Variants in LRPPRC observed in about 807,000 individuals in gnomAD.
LRPPRC encodes leucine-rich PPR motif-containing protein, mitochondrial.
In LRPPRC, 120 loss-of-function variants were observed where a neutral mutation model predicts 180.3. The observed-to-expected ratio is 0.67, with a 90% CI of 0.57 to 0.77. The LOEUF is 0.77. Ranked by LOEUF, LRPPRC falls within the 30% of genes least tolerant of loss-of-function variation. The pLI is 0.00. For missense variants in LRPPRC, 2,012 were observed against 1,657.2 expected (o/e 1.21, Z -3.72); for synonymous variants, 723 against 600.0 (o/e 1.21, Z -3.00).
intron 14 of LRPPRC, among the ~76,000 whole-genome samples, chr2:43,955,029 C>T (rs919664145): frequency 2.0e-5 from 3 of 152,156 alleles, no homozygotes; most frequent in African/African-American, 7.2e-5. Context: ...TTAATTTTGG[C>T]TTCCACGATA....
chr2:43,995,285 G>C (rs1383228654), intron 1 of LRPPRC, among the ~76,000 whole-genome samples: 1 of 152,194 alleles, frequency 6.6e-6, no homozygotes, highest in African/African-American at 2.4e-5. Context: ...AAAGCCCAAA[G>C]TGATCATAAT....
chr2:43,918,819 ATATC>A (rs1419967694), intron 27 of LRPPRC, among the ~76,000 whole-genome samples: 7 of 145,384 alleles, frequency 4.8e-5, no homozygotes, highest in Non-Finnish European at 9.0e-5. Context: ...AGATATATAT[ATATC>A]TATATATAGA....
chr2:43,905,038 G>C (rs1671022542), intron 31 of LRPPRC, among the ~76,000 whole-genome samples: 1 of 151,994 alleles, frequency 6.6e-6, no homozygotes, highest in African/African-American at 2.4e-5. Context: ...TCAAACCAGT[G>C]GCCCCCACCC....
In LRPPRC at chr2:43,888,415, A is replaced by G. The variant is rs1670348071; in HGVS notation, c.*185T>C. The G allele has an allele frequency of 1.9e-6, 1 of 532,548 alleles. No individual in the cohort carries two copies. The highest frequency in any genetic ancestry group is 3.4e-6 in the Non-Finnish European group (1 of 295,796). 33.0% of individuals were successfully genotyped at this position (532,548 alleles called of 1,614,324 possible). On this transcript the variant is annotated 3_prime_UTR_variant, in exon 38 of 38. Coordinates refer to ENST00000260665, the MANE Select transcript of LRPPRC (RefSeq NM_133259.4). ...AACACTATCGATTTTTCCCAGAGAAAAAAACTCCAAAAATGTCCAATAACC... is the reference window on the plus strand; with the variant it reads ...AACACTATCGATTTTTCCCAGAGAAGAAAACTCCAAAAATGTCCAATAACC...
intron 1 of LRPPRC, among the ~76,000 whole-genome samples, chr2:43,983,781 T>C (rs1406601494): frequency 6.6e-6 from 1 of 152,182 alleles, no homozygotes; most frequent in African/African-American, 2.4e-5. Context: ...TGATCAAGTA[T>C]GTGTTGTTTT....
intron 22 of LRPPRC, among the ~76,000 whole-genome samples, chr2:43,944,538 G>A (rs563455807): frequency 1.3e-5 from 2 of 152,096 alleles, no homozygotes; most frequent in Admixed American, 6.6e-5. Context: ...TAAAAAAATA[G>A]GCTAATCCTT....
intron 14 of LRPPRC, among the ~76,000 whole-genome samples, 164 bp from the exon 15 acceptor site, chr2:43,950,764 C>G (rs1672868906): frequency 6.8e-6 from 1 of 146,738 alleles, no homozygotes; most frequent in Non-Finnish European, 1.6e-5. Flanking sequence ...GGCTGACACT[C>G]ACCCACCTCA....
chr2:43,907,834 G>T (rs1471059439), intron 30 of LRPPRC, among the ~76,000 whole-genome samples: 1 of 152,136 alleles, frequency 6.6e-6, no homozygotes, highest in South Asian at 2.1e-4. Flanking sequence ...ACATTTCAGA[G>T]AATTTATTGC....
intron 32 of LRPPRC, among the ~76,000 whole-genome samples, chr2:43,900,642 A>C (rs367827752): frequency 5.6e-4 from 86 of 152,292 alleles, no homozygotes; most frequent in African/African-American, 1.2e-3. Context: ...AACAAACAAA[A>C]AAAAACCCCT....
At chr2:43,957,513 T>C in intron 13 of LRPPRC, 62 bp from the exon 14 acceptor site, 1 of 1,212,280 alleles carries the variant, frequency 8.2e-7, no homozygotes, top group Non-Finnish European at 1.2e-6. Context: ...CCCTGTATTA[T>C]CAAATTGAAA....
At chr2:43,923,528 G>GT (rs1671770589) in intron 27 of LRPPRC, among the ~76,000 whole-genome samples, 2 of 152,124 alleles carry the variant, frequency 1.3e-5, no homozygotes, top group African/African-American at 4.8e-5. Flanking sequence ...AATAGGAAGA[G>GT]TAAGTTTGTG....
chr2:43,945,280 T>C (rs1672636583), intron 22 of LRPPRC, 52 bp downstream of exon 22: 3 of 1,160,650 alleles, frequency 2.6e-6, no homozygotes, highest in Non-Finnish European at 3.9e-6. Flanking sequence ...CACATGTTAT[T>C]CCAGTGGCAA....
chr2:43,991,023 G>A (rs1236238050), intron 1 of LRPPRC, among the ~76,000 whole-genome samples: 3 of 147,122 alleles, frequency 2.0e-5, no homozygotes, highest in African/African-American at 7.4e-5. Context: ...CTTATGTATA[G>A]ATACTTTTAT....
In LRPPRC at chr2:43,935,587, T is replaced by C. The variant is rs1572940211; in HGVS notation, c.2505-709A>G. On this transcript the variant is annotated intron_variant, in intron 23 of 37. Coordinates refer to ENST00000260665, the MANE Select transcript of LRPPRC (RefSeq NM_133259.4). ...CCTTCTTTTATGTGAGAAATTAAAATAAAAAGACACTGTCATTAAATCAGT... is the reference window on the plus strand; with the variant it reads ...CCTTCTTTTATGTGAGAAATTAAAACAAAAAGACACTGTCATTAAATCAGT... 2.0e-5 allele frequency among the ~76,000 whole-genome samples: 3 copies of C among 152,156 alleles called. No individual in the cohort carries two copies. In the South Asian group the frequency reaches 6.2e-4, roughly 32 times the overall value.
rs562958704 is a variant in LRPPRC, at chr2:43,926,061, A to G, written c.2737-100T>C. ...TTCTTTTCTTATGAATTTGCTGCCA[A>G]ATATATATACTAAACTTATATACTA... is the stretch of plus-strand genomic sequence containing the variant. On this transcript the variant is annotated intron_variant, in intron 25 of 37. Transcript: ENST00000260665. 4.1e-6 allele frequency: 3 copies of G among 724,372 alleles called. No individual in the cohort carries two copies. The South Asian group carries it at 4.4e-5, about 11-fold the overall frequency. The allele number at this position is 724,372 out of a possible 1,614,324, so 44.9% of individuals were successfully genotyped here.
Position 43,889,725 on chromosome 2 carries a change from A to T in LRPPRC, c.4128+9T>A. 6.2e-7 allele frequency: 1 copy of T among 1,607,636 alleles called. No individual in the cohort carries two copies. The highest frequency in any genetic ancestry group is 8.5e-7 in the Non-Finnish European group (1 of 1,174,088). On this transcript the variant is annotated intron_variant, in intron 37 of 37. Coordinates refer to ENST00000260665, the MANE Select transcript of LRPPRC (RefSeq NM_133259.4). Reference sequence around the variant, plus strand: ...AGGTATTTTTTCCCCTTAATTAAGAAATACTCACAGGGGGTTCAATGAAAG... The same window carrying T: ...AGGTATTTTTTCCCCTTAATTAAGATATACTCACAGGGGGTTCAATGAAAG...
At position 43,963,662 on chromosome 2, in the gene LRPPRC, G is replaced by A. The variant is rs1267671992; in HGVS notation, c.1414C>T (p.Pro472Ser). The A allele has an allele frequency of 6.2e-7, 1 of 1,610,842 alleles. No homozygotes were observed. The highest frequency in any genetic ancestry group is 1.3e-5 in the African/African-American group (1 of 74,956). The change falls in exon 12 of 38, where the codon CCT (proline) becomes TCT (serine). Residue 472 changes from proline (P) to serine (S), a missense_variant. Pro to Ser is a moderately conservative substitution (Grantham distance 74). Coordinates refer to ENST00000260665, the MANE Select transcript of LRPPRC (RefSeq NM_133259.4). ...LKGMQELGVH[P>S]DQETYTDYVI... is the part of the protein sequence containing the mutation. ...TAATCTGTATATGTTTCCTGATCAGGATGTACTCCCAATTCTTGCATTCCT... is the reference window on the plus strand; with the variant it reads ...TAATCTGTATATGTTTCCTGATCAGAATGTACTCCCAATTCTTGCATTCCT...
chr2:43,912,283 A>G, intron 30 of LRPPRC, 149 bp downstream of exon 30: 1 of 685,456 alleles, frequency 1.5e-6, no homozygotes. Context: ...AACCTGATAA[A>G]GTTAGTTAAC....
chr2:43,977,024 T>A lies in LRPPRC; in HGVS notation c.620A>T (p.Tyr207Phe), dbSNP rs146293544. The change falls in exon 5 of 38, where the codon TAT (tyrosine) becomes TTT (phenylalanine). Residue 207 changes from tyrosine (Y) to phenylalanine (F), a missense_variant. Physicochemically the swap from Tyr to Phe is conservative, Grantham distance 22. Coordinates refer to ENST00000260665, the MANE Select transcript of LRPPRC (RefSeq NM_133259.4). ...ACCTTCAATATCTCCTACATTACAA[T>A]AAGAAGCAATCAATCTCTGGTATGT... ...RVTYQRLIASYCNVGDIEGAS... is the reference protein window; with the variant it reads ...RVTYQRLIASFCNVGDIEGAS... 3.9e-5 allele frequency: 63 copies of A among 1,613,440 alleles called. No homozygotes were observed. The African/African-American group carries it at 7.3e-4, about 19-fold the overall frequency.
Sources: gnomAD v4.1 joint callset for allele counts (sites outside exome capture counted in the v4.1 genomes callset) on GRCh38, gnomAD v4.1.1 for gene constraint, MANE v1.5 for transcripts, NCBI Gene and HGNC (gene_info 2026-07-23, HGNC 2026-07-21) for gene names.